Variants in HMCN1 observed in about 807,000 individuals in gnomAD.
HMCN1 encodes the protein hemicentin 1.
Under a neutral mutation model 625.9 loss-of-function variants are expected in HMCN1, and 321 were observed. The ratio of observed to expected loss-of-function variants is 0.51; its 90% CI spans 0.47 to 0.56. HMCN1 has a LOEUF of 0.56. Ranked by LOEUF, HMCN1 falls within the 20% of genes least tolerant of loss-of-function variation. The pLI is 0.00. For missense variants in HMCN1, 6,588 were observed against 6,887.3 expected (o/e 0.96, Z 1.54); for synonymous variants, 2,425 against 2,417.6 (o/e 1.00, Z -0.09).
At chr1:186,064,826 A>AG (rs1658002028) in intron 48 of HMCN1, among the ~76,000 whole-genome samples, 2 of 151,340 alleles carry the variant, frequency 1.3e-5, no homozygotes, top group South Asian at 4.2e-4. Context: ...AAAAAAAAAA[A>AG]AAGTATATGA....
chr1:185,922,277 G>A (rs55890842), intron 6 of HMCN1, 102 bp from the exon 7 acceptor site: 80,434 of 1,306,062 alleles, frequency 0.062, 2,905 homozygotes, highest in South Asian at 0.072. Flanking sequence ...TTTGGACATC[G>A]ATCCTAATTA....
chr1:185,917,196 G>A (rs901867810), intron 6 of HMCN1, among the ~76,000 whole-genome samples: 5 of 152,072 alleles, frequency 3.3e-5, no homozygotes, highest in Admixed American at 3.3e-4. Flanking sequence ...TTTTGTTAGA[G>A]GGGAATTTAC....
At chr1:185,812,782 C>T (rs924628767) in intron 1 of HMCN1, among the ~76,000 whole-genome samples, 1 of 151,316 alleles carries the variant, frequency 6.6e-6, no homozygotes, top group Admixed American at 6.6e-5. Flanking sequence ...TTGGAATATA[C>T]ATACATATGT....
At chr1:185,976,139 T>TGG (rs1651197061) in intron 15 of HMCN1, among the ~76,000 whole-genome samples, 1 of 152,094 alleles carries the variant, frequency 6.6e-6, no homozygotes, top group South Asian at 2.1e-4. Context: ...TTCTGAAACT[T>TGG]TAGAGAGGGA....
chr1:185,979,063 G>A lies in HMCN1; in HGVS notation c.2566+1082G>A, dbSNP rs1651431323. Among the ~76,000 whole-genome samples the A allele has an allele frequency of 2.6e-5, 4 of 152,278 alleles. No homozygotes were observed. The South Asian group carries it at 8.3e-4, about 32-fold the overall frequency. On this transcript the variant is annotated intron_variant, in intron 16 of 106. Transcript: ENST00000271588. ...AAATTGTCTAATAACAAGTGCTTCA[G>A]TGTTCAGCTCTGTGGTGAGCTCTGT... is the stretch of plus-strand genomic sequence containing the variant.
At chr1:186,100,788 G>T (rs1660349015) in intron 68 of HMCN1, among the ~76,000 whole-genome samples, 1 of 152,110 alleles carries the variant, frequency 6.6e-6, no homozygotes, top group African/African-American at 2.4e-5. Context: ...GCAGTTGTTG[G>T]ATTGGTTCAG....
intron 30 of HMCN1, among the ~76,000 whole-genome samples, chr1:186,012,286 A>G (rs1269707293): frequency 6.6e-6 from 1 of 151,668 alleles, no homozygotes; most frequent in Non-Finnish European, 1.5e-5. Context: ...ATCTTAAAAG[A>G]TTCTGCTTCA....
At chr1:186,047,974 T>G (rs1005567364) in intron 41 of HMCN1, among the ~76,000 whole-genome samples, 80 of 152,152 alleles carry the variant, frequency 5.3e-4, no homozygotes, top group African/African-American at 1.9e-3. Context: ...ATTGCAAACT[T>G]AGTTGGCAAT....
In HMCN1 at chr1:186,145,780, G is replaced by T. The variant is rs770204982; in HGVS notation, c.14465G>T (p.Ser4822Ile). 2.5e-6 allele frequency: 4 copies of T among 1,614,154 alleles called. No homozygotes were observed. In the East Asian group the frequency reaches 8.9e-5, roughly 36 times the overall value. The change falls in exon 93 of 107, where the codon AGT (serine) becomes ATT (isoleucine). Residue 4822 changes from serine to isoleucine, a missense_variant. Coordinates refer to ENST00000271588, the MANE Select transcript of HMCN1 (RefSeq NM_031935.3). ...GATGGAAGTTGGGGAAGCTGGCATA[G>T]TTGGAGCCAGTGCTCTGCCTCCTGT... ...PVDGSWGSWH[S>I]WSQCSASCGG...
intron 4 of HMCN1, among the ~76,000 whole-genome samples, chr1:185,894,163 AC>A (rs1177655973): frequency 3.5e-5 from 5 of 143,084 alleles, no homozygotes; most frequent in South Asian, 2.1e-4. Flanking sequence ...AACAAAAAAA[AC>A]AAAACAAAAA....
chr1:185,966,599 C>T (rs895451175), intron 14 of HMCN1, among the ~76,000 whole-genome samples: 4 of 152,026 alleles, frequency 2.6e-5, no homozygotes, highest in Admixed American at 2.0e-4. Context: ...TCAGTTCTTC[C>T]AGTTACGGGA....
chr1:186,111,544 A>T (rs1053278153), intron 71 of HMCN1, among the ~76,000 whole-genome samples: 1 of 151,982 alleles, frequency 6.6e-6, no homozygotes, highest in Admixed American at 6.6e-5. Flanking sequence ...TACTGAGGAG[A>T]CTGATGTGGG....
chr1:185,774,585 G>A (rs953655553), intron 1 of HMCN1, among the ~76,000 whole-genome samples: 2 of 152,108 alleles, frequency 1.3e-5, no homozygotes, highest in African/African-American at 4.8e-5. Flanking sequence ...CTGAGCTGTT[G>A]GAGATGAATC....
Position 186,093,189 on chromosome 1 carries a change from G to A in HMCN1, c.9943G>A (p.Gly3315Arg), listed in dbSNP as rs865822671. The A allele has an allele frequency of 1.9e-6, 3 of 1,613,148 alleles. No individual in the cohort carries two copies. Among genetic ancestry groups the A allele is most frequent in the Non-Finnish European group, 2.5e-6 (3 of 1,179,504 alleles). ...NIYGALTSDT[G>R]KYTCVATNPA... Reference sequence around the variant, plus strand: ...TTATGGAGCTCTTACATCTGACACGGGGAAATACACATGTGTTGCTACTAA... The same window carrying A: ...TTATGGAGCTCTTACATCTGACACGAGGAAATACACATGTGTTGCTACTAA... Residue 3315 changes from glycine (G) to arginine (R), a missense_variant, in exon 65 of 107, where the codon GGG (glycine) becomes AGG (arginine). Transcript: ENST00000271588.
chr1:186,113,908 ATC>A, intron 72 of HMCN1, 69 bp from the exon 73 acceptor site: 1 of 1,524,532 alleles, frequency 6.6e-7, no homozygotes, highest in South Asian at 1.1e-5. Context: ...CTTATATTAC[ATC>A]TTCAGGGTCT....
chr1:186,096,506 T>C (rs1371838795), intron 68 of HMCN1, among the ~76,000 whole-genome samples: 1 of 152,120 alleles, frequency 6.6e-6, no homozygotes, highest in Non-Finnish European at 1.5e-5. Context: ...CATATCTAAA[T>C]AAATGAAGTA....
At chr1:186,117,689 G>T in intron 77 of HMCN1, 66 bp downstream of exon 77, 1 of 1,442,860 alleles carries the variant, frequency 6.9e-7, no homozygotes, top group South Asian at 1.1e-5. Flanking sequence ...ATTCTTACCT[G>T]GCCTTTGTTG....
At chr1:185,802,315 A>G (rs1173660184) in intron 1 of HMCN1, among the ~76,000 whole-genome samples, 2 of 152,172 alleles carry the variant, frequency 1.3e-5, no homozygotes, top group African/African-American at 4.8e-5. Context: ...ACATCAAACT[A>G]CAGATGATTT....
intron 14 of HMCN1, among the ~76,000 whole-genome samples, chr1:185,967,048 A>T (rs1482185005): frequency 1.3e-5 from 2 of 152,164 alleles, no homozygotes; most frequent in Non-Finnish European, 2.9e-5. Flanking sequence ...TTCTTAAAAT[A>T]CTTAAATTTT....
Sources: gnomAD v4.1 joint callset for allele counts (sites outside exome capture counted in the v4.1 genomes callset) on GRCh38, gnomAD v4.1.1 for gene constraint, MANE v1.5 for transcripts, NCBI Gene and HGNC (gene_info 2026-07-23, HGNC 2026-07-21) for gene names.